DCTN6: variants seen among roughly 807,000 people sequenced by gnomAD.
DCTN6 encodes the protein dynactin 6.
Under a neutral mutation model 25.8 loss-of-function variants are expected in DCTN6, and 15 were observed. The ratio of observed to expected loss-of-function variants is 0.58; its 90% CI spans 0.39 to 0.89. The LOEUF is 0.89. Among genes scored for constraint, DCTN6 ranks in the 40% least tolerant of loss-of-function variants. The pLI is 0.00. For missense variants in DCTN6, 198 were observed against 237.6 expected (o/e 0.83, Z 1.09); for synonymous variants, 64 against 78.3 (o/e 0.82, Z 0.96).
intron 1 of DCTN6, among the ~76,000 whole-genome samples, chr8:30,160,463 T>C (rs1381611607): frequency 6.6e-6 from 1 of 152,156 alleles, no homozygotes; most frequent in African/African-American, 2.4e-5. Flanking sequence ...CTCTTTCCTT[T>C]ATAAATTACC....
Position 30,161,975 on chromosome 8 carries a change from CTGA to C in DCTN6, c.24-2135_24-2133del, listed in dbSNP as rs1803603342. On this transcript the variant is annotated intron_variant, in intron 1 of 6. Transcript: ENST00000221114. ...TGCTAGCCAGGATGGTCTCGATCTC[CTGA>C]CCTCGCAATCCGCCAGCCTTGGCCT... 1.3e-5 allele frequency among the ~76,000 whole-genome samples: 2 copies of C among 151,850 alleles called. 1 individual carries two copies. The highest frequency in any genetic ancestry group is 1.3e-4 in the Admixed American group (2 of 15,240).
intron 4 of DCTN6, 56 bp downstream of exon 4, chr8:30,177,270 G>A: frequency 2.2e-6 from 3 of 1,380,286 alleles, no homozygotes; most frequent in East Asian, 2.3e-5. Context: ...TAGTACCTAA[G>A]TCTTCTCCTG....
chr8:30,168,269 G>A (rs978257883), intron 2 of DCTN6, among the ~76,000 whole-genome samples: 3 of 152,230 alleles, frequency 2.0e-5, no homozygotes, highest in East Asian at 3.9e-4. Flanking sequence ...TGTATAATAT[G>A]GGAATTTTTC....
chr8:30,180,529 A>G lies in DCTN6; in HGVS notation c.373A>G (p.Ile125Val). ...RNVILTSGCI[I>V]GACCNLNTFE... The stretch of plus-strand genomic sequence containing the variant: ...TGTAATATTGACAAGTGGCTGCATC[A>G]TTGGGGCTTGTTGCAACCTAAATAC... The change falls in exon 6 of 7, where the codon ATT becomes GTT. Residue 125 changes from isoleucine (I) to valine (V), a missense_variant. Coordinates refer to ENST00000221114, the MANE Select transcript of DCTN6 (RefSeq NM_006571.4). The G allele has an allele frequency of 1.2e-6, 2 of 1,613,980 alleles. No individual in the cohort carries two copies. Among genetic ancestry groups the G allele is most frequent in the Non-Finnish European group, 8.5e-7 (1 of 1,179,962 alleles).
chr8:30,180,575 A>T lies in DCTN6; in HGVS notation c.419A>T (p.Asn140Ile). 1 of 1,614,116 alleles carries T rather than the reference A, an allele frequency of 6.2e-7. No homozygotes were observed. Among genetic ancestry groups the T allele is most frequent in the Non-Finnish European group, 8.5e-7 (1 of 1,180,008 alleles). ...NLNTFEVIPE[N>I]TVIYGADCLR... Reference sequence around the variant, plus strand: ...AATACATTTGAAGTCATCCCTGAGAATACGGTGATCTATGGTGCAGACTGC... The same window carrying T: ...AATACATTTGAAGTCATCCCTGAGATTACGGTGATCTATGGTGCAGACTGC... The change falls in exon 6 of 7, where the codon AAT (asparagine) becomes ATT (isoleucine). Residue 140 changes from asparagine (N) to isoleucine (I), a missense_variant. Physicochemically the swap from Asn to Ile is moderately radical, Grantham distance 149. Coordinates refer to ENST00000221114, the MANE Select transcript of DCTN6 (RefSeq NM_006571.4).
At chr8:30,172,464 T>C (rs1803776628) in intron 2 of DCTN6, among the ~76,000 whole-genome samples, 1 of 152,168 alleles carries the variant, frequency 6.6e-6, no homozygotes, top group Admixed American at 6.5e-5. Flanking sequence ...ATTTTTTTTT[T>C]TTTGAGATGG....
At chr8:30,179,013 A>G (rs1051980179) in intron 4 of DCTN6, among the ~76,000 whole-genome samples, 1 of 152,202 alleles carries the variant, frequency 6.6e-6, no homozygotes, top group Admixed American at 6.5e-5. Flanking sequence ...TGAATAAGCT[A>G]TAAAAGTTTA....
intron 6 of DCTN6, chr8:30,180,897 G>A (rs1482610161): frequency 4.0e-6 from 2 of 498,638 alleles, no homozygotes; most frequent in East Asian, 3.1e-5. Flanking sequence ...GCCAGGTGTG[G>A]TGGGGCATGA....
At chr8:30,161,189 T>C (rs1172624660) in intron 1 of DCTN6, among the ~76,000 whole-genome samples, 2 of 152,212 alleles carry the variant, frequency 1.3e-5, no homozygotes, top group African/African-American at 4.8e-5. Flanking sequence ...TCTGTCCTGC[T>C]GCCTTGTGAA....
chr8:30,181,869 GAAA>G (rs61484281), intron 6 of DCTN6, among the ~76,000 whole-genome samples: 2 of 126,762 alleles, frequency 1.6e-5, no homozygotes, highest in African/African-American at 5.7e-5. Flanking sequence ...GCCTGGGAAA[GAAA>G]AAAAAAAAAA....
At chr8:30,182,621 T>G (rs61621868) in intron 6 of DCTN6, among the ~76,000 whole-genome samples, 23,836 of 150,460 alleles carry the variant, frequency 0.16, 2,594 homozygotes, top group East Asian at 0.49. Flanking sequence ...AAAACAAGCA[T>G]GTAAGCAAAA....
chr8:30,166,812 C>T (rs1356815270), intron 2 of DCTN6, among the ~76,000 whole-genome samples: 1 of 152,056 alleles, frequency 6.6e-6, no homozygotes, highest in Non-Finnish European at 1.5e-5. Context: ...TAAGGAAGTA[C>T]AGGCTGGATG....
chr8:30,175,304 C>A, intron 3 of DCTN6, 114 bp downstream of exon 3: 1 of 817,456 alleles, frequency 1.2e-6, no homozygotes, highest in Non-Finnish European at 1.9e-6. Flanking sequence ...TATTTTAGAG[C>A]TAGAGAAGCA....
chr8:30,159,532 A>T lies in DCTN6; in HGVS notation c.23+3126A>T, dbSNP rs116463119. 6.4e-3 allele frequency among the ~76,000 whole-genome samples: 978 copies of T among 151,692 alleles called. 10 individuals carry two copies. The highest frequency in any genetic ancestry group is 0.022 in the African/African-American group (916 of 41,358). On this transcript the variant is annotated intron_variant, in intron 1 of 6. Coordinates refer to ENST00000221114, the MANE Select transcript of DCTN6 (RefSeq NM_006571.4). ...TGACTCTCAGAGCTGTATTTTTAGA[A>T]CTCTCTTATGAGCTTCAGAATCTGT...
In DCTN6 at chr8:30,180,527, T is replaced by A; in HGVS notation, c.371T>A (p.Ile124Asn). 3 of 1,614,008 alleles carry A rather than the reference T, an allele frequency of 1.9e-6. No individual in the cohort carries two copies. The highest frequency in any genetic ancestry group is 1.1e-5 in the South Asian group (1 of 91,052). ...AATGTAATATTGACAAGTGGCTGCATCATTGGGGCTTGTTGCAACCTAAAT... is the reference window on the plus strand; with the variant it reads ...AATGTAATATTGACAAGTGGCTGCAACATTGGGGCTTGTTGCAACCTAAAT... Reference protein sequence around the residue: ...GRNVILTSGCIIGACCNLNTF... With the variant: ...GRNVILTSGCNIGACCNLNTF... Residue 124 changes from isoleucine (I) to asparagine (N), a missense_variant, in exon 6 of 7, where the codon ATC becomes AAC. Transcript: ENST00000221114.
chr8:30,180,379 T>A (rs1803895509), intron 5 of DCTN6, 109 bp from the exon 6 acceptor site: 5 of 1,419,424 alleles, frequency 3.5e-6, no homozygotes, highest in Admixed American at 2.4e-5. Flanking sequence ...TTTCTTTAAC[T>A]TTTTTCTTGA....
chr8:30,176,941 C>T (rs1316142231), intron 3 of DCTN6, 185 bp from the exon 4 acceptor site: 2 of 485,612 alleles, frequency 4.1e-6, no homozygotes, highest in Non-Finnish European at 7.3e-6. Flanking sequence ...TGCCACTGTA[C>T]CAGCCTGGGT....
At chr8:30,162,991 TA>T (rs1354324548) in intron 1 of DCTN6, among the ~76,000 whole-genome samples, 2 of 52,264 alleles carry the variant, frequency 3.8e-5, no homozygotes, top group Non-Finnish European at 1.6e-4. Flanking sequence ...GATCATTCCA[TA>T]TTTTTTTTTT....
At chr8:30,170,768 A>AG (rs60571761) in intron 2 of DCTN6, among the ~76,000 whole-genome samples, 151,717 of 151,722 alleles carry the variant, frequency 1, 75,856 homozygotes, top group Middle Eastern at 1. Context: ...CAGCCTCCCA[A>AG]TAGCTGGGAT....
Sources: gnomAD v4.1 joint callset for allele counts (sites outside exome capture counted in the v4.1 genomes callset) on GRCh38, gnomAD v4.1.1 for gene constraint, MANE v1.5 for transcripts, NCBI Gene and HGNC (gene_info 2026-07-23, HGNC 2026-07-21) for gene names.